The following SCGN variants were observed in gnomAD, a reference collection of about 807,000 sequenced individuals.
SCGN encodes the protein secretagogin, EF-hand calcium binding protein.
In SCGN, 30 loss-of-function variants were observed where a neutral mutation model predicts 39.7. That is an observed-to-expected ratio of 0.76 (90% CI 0.57 to 1.03). The LOEUF is 1.03. SCGN is among the 50% of genes least tolerant of loss of function. The pLI is 0.00. For missense variants in SCGN, 353 were observed against 349.4 expected (o/e 1.01, Z -0.08); for synonymous variants, 106 against 114.1 (o/e 0.93, Z 0.45).
intron 10 of SCGN, among the ~76,000 whole-genome samples, chr6:25,695,396 T>A (rs538424699): frequency 3.3e-5 from 5 of 152,230 alleles, no homozygotes; most frequent in Non-Finnish European, 5.9e-5. Flanking sequence ...CCCCTCCACC[T>A]TTTTTTGTCT....
rs142708063 is a variant in SCGN, at chr6:25,658,919, T to C, written c.154-2633T>C. On this transcript the variant is annotated intron_variant, in intron 2 of 10. Transcript: ENST00000377961. ...TGACATGAAACTTGGCAGTTCCCTATATATCCAGTATCCACACCAATCCTG... is the reference window on the plus strand; with the variant it reads ...TGACATGAAACTTGGCAGTTCCCTACATATCCAGTATCCACACCAATCCTG... Among the ~76,000 whole-genome samples, 436 of 152,366 alleles carry C rather than the reference T, an allele frequency of 2.9e-3. 1 individual carries two copies. Among genetic ancestry groups the C allele is most frequent in the African/African-American group, 9.6e-3 (399 of 41,588 alleles).
chr6:25,665,048 T>C lies in SCGN; in HGVS notation c.336+16T>C. The C allele has an allele frequency of 6.3e-7, 1 of 1,599,680 alleles. No homozygotes were observed. Among genetic ancestry groups the C allele is most frequent in the Non-Finnish European group, 8.6e-7 (1 of 1,167,188 alleles). ...GTTTATGCAGGTGAGTGCTTGGTTG[T>C]GTCTCTGTGAAGAAAGAGGACTGAG... On this transcript the variant is annotated intron_variant, in intron 4 of 10. Transcript: ENST00000377961.
chr6:25,664,442 C>A (rs1760393780), intron 3 of SCGN, among the ~76,000 whole-genome samples: 1 of 152,166 alleles, frequency 6.6e-6, no homozygotes, highest in African/African-American at 2.4e-5. Context: ...CTGTATAGAC[C>A]AGTTTCCTCA....
At chr6:25,687,558 A>T (rs888583124) in intron 7 of SCGN, among the ~76,000 whole-genome samples, 2 of 152,110 alleles carry the variant, frequency 1.3e-5, no homozygotes, top group Non-Finnish European at 2.9e-5. Flanking sequence ...GGATTTGTGT[A>T]TTAGCTCTAG....
At chr6:25,687,397 C>A (rs6918310) in intron 7 of SCGN, among the ~76,000 whole-genome samples, 1,898 of 152,170 alleles carry the variant, frequency 0.012, 32 homozygotes, top group African/African-American at 0.035. Context: ...ACAAACTAAA[C>A]CACTTTTGTT....
intron 10 of SCGN, among the ~76,000 whole-genome samples, chr6:25,693,353 T>G (rs4566883): frequency 0.6 from 89,107 of 149,316 alleles, 26,995 homozygotes; most frequent in African/African-American, 0.69. Context: ...TCAGGAGGCT[T>G]AGGCAGGAGA....
In SCGN at chr6:25,693,451, C is replaced by CAAAAAAAAAAAAA. The variant is rs11376402; in HGVS notation, c.702+2340_702+2352dup. 8.3e-5 allele frequency among the ~76,000 whole-genome samples: 4 copies of CAAAAAAAAAAAAA among 48,422 alleles called. 2 individuals carry two copies. The allele number at this position is 48,422 out of a possible 152,430, so 31.8% of individuals were successfully genotyped here. ...TGGGCAACAGAGCGAGACTCCGTCT[C>CAAAAAAAAAAAAA]AAAAAAAAAAAAAAAAAAAAAAAAA... On this transcript the variant is annotated intron_variant, in intron 10 of 10. Transcript: ENST00000377961.
chr6:25,682,591 G>T (rs1469796560), intron 7 of SCGN, among the ~76,000 whole-genome samples: 1 of 152,182 alleles, frequency 6.6e-6, no homozygotes, highest in Non-Finnish European at 1.5e-5. Flanking sequence ...AAACAGCATG[G>T]AGTTGTCTAC....
At chr6:25,669,388 C>A (rs965165750) in intron 4 of SCGN, 123 bp from the exon 5 acceptor site, 7 of 820,190 alleles carry the variant, frequency 8.5e-6, no homozygotes, top group Non-Finnish European at 1.4e-5. Context: ...CCTAAAGTTT[C>A]CATCAAAAGT....
intron 6 of SCGN, among the ~76,000 whole-genome samples, chr6:25,677,312 T>C (rs1462800813): frequency 4.6e-5 from 7 of 152,232 alleles, no homozygotes; most frequent in Non-Finnish European, 1.5e-5. Context: ...AATTCAGATA[T>C]TTGTTTCTGG....
At chr6:25,667,255 TTCTTA>T (rs1295265469) in intron 4 of SCGN, among the ~76,000 whole-genome samples, 20 of 152,284 alleles carry the variant, frequency 1.3e-4, no homozygotes, top group East Asian at 1.2e-3. Context: ...CTATGGAGGC[TTCTTA>T]TCTTATCTTT....
intron 2 of SCGN, among the ~76,000 whole-genome samples, chr6:25,658,327 C>T (rs1049609247): frequency 6.6e-6 from 1 of 151,906 alleles, no homozygotes; most frequent in Non-Finnish European, 1.5e-5. Flanking sequence ...GCATGAGACA[C>T]CATGCCCATC....
chr6:25,682,907 C>T (rs1293293412), intron 7 of SCGN, among the ~76,000 whole-genome samples: 1 of 152,232 alleles, frequency 6.6e-6, no homozygotes, highest in African/African-American at 2.4e-5. Context: ...CCAAATCCCA[C>T]ACCAGCTATC....
Position 25,661,577 on chromosome 6 carries a change from A to C in SCGN, c.179A>C (p.His60Pro). ...GACACGGTCATGAAAGCAAATTTGC[A>C]CAAGGTGAAACAGCAGTTTATGACT... ...TDDTVMKANL[H>P]KVKQQFMTTQ... Residue 60 changes from histidine (H) to proline (P), a missense_variant, in exon 3 of 11, where the codon CAC becomes CCC. By Grantham distance (77) the His-to-Pro change is moderately conservative. Coordinates refer to ENST00000377961, the MANE Select transcript of SCGN (RefSeq NM_006998.4). 6.2e-7 allele frequency: 1 copy of C among 1,613,716 alleles called. No individual in the cohort carries two copies. The highest frequency in any genetic ancestry group is 8.5e-7 in the Non-Finnish European group (1 of 1,179,726).
intron 3 of SCGN, among the ~76,000 whole-genome samples, chr6:25,664,389 T>C (rs1402579816): frequency 6.6e-6 from 1 of 152,206 alleles, no homozygotes; most frequent in Non-Finnish European, 1.5e-5. Context: ...AAATATTGAC[T>C]TCATCACACA....
chr6:25,652,342 G>T lies in SCGN; in HGVS notation c.-62G>T. 4 of 1,155,526 alleles carry T rather than the reference G, an allele frequency of 3.5e-6. No homozygotes were observed. Among genetic ancestry groups the T allele is most frequent in the Non-Finnish European group, 5.0e-6 (4 of 793,210 alleles). The allele number at this position is 1,155,526 out of a possible 1,614,324, so 71.6% of individuals were successfully genotyped here. A position where few individuals can be genotyped will look rare whatever the true frequency, so the allele number is the denominator to read the frequency against. On this transcript the variant is annotated 5_prime_UTR_variant, in exon 1 of 11. Coordinates refer to ENST00000377961, the MANE Select transcript of SCGN (RefSeq NM_006998.4). Reference sequence around the variant, plus strand: ...GAGCAAGTCAAGAAATACGGTGAAGGAGTCCTTCCCAAAGTTGTCTAGGTC... The same window carrying T: ...GAGCAAGTCAAGAAATACGGTGAAGTAGTCCTTCCCAAAGTTGTCTAGGTC...
chr6:25,672,326 A>G (rs1759510767), intron 6 of SCGN, among the ~76,000 whole-genome samples: 1 of 152,226 alleles, frequency 6.6e-6, no homozygotes, highest in South Asian at 2.1e-4. Flanking sequence ...CTGACAACAA[A>G]TAATAAATGT....
rs576328792 is a variant in SCGN, at chr6:25,675,013, G to A, written c.471+4937G>A. Among the ~76,000 whole-genome samples the A allele has an allele frequency of 1.6e-4, 24 of 152,232 alleles. 1 individual carries two copies. Among genetic ancestry groups the A allele is most frequent in the Admixed American group, 1.4e-3 (21 of 15,282 alleles). Reference sequence around the variant, plus strand: ...CAACAAATTTAAATCTGAGACTATGGTGAGGTGGTAAATTAAAGAAAAATA... The same window carrying A: ...CAACAAATTTAAATCTGAGACTATGATGAGGTGGTAAATTAAAGAAAAATA... On this transcript the variant is annotated intron_variant, in intron 6 of 10. Transcript: ENST00000377961.
intron 6 of SCGN, among the ~76,000 whole-genome samples, chr6:25,681,456 G>T (rs895342134): frequency 2.2e-4 from 34 of 152,190 alleles, no homozygotes; most frequent in African/African-American, 6.0e-4. Context: ...AGAGACTGTG[G>T]TAGTCGTTGC....
Sources: gnomAD v4.1 joint callset for allele counts (sites outside exome capture counted in the v4.1 genomes callset) on GRCh38, gnomAD v4.1.1 for gene constraint, MANE v1.5 for transcripts, NCBI Gene and HGNC (gene_info 2026-07-23, HGNC 2026-07-21) for gene names.